The following PTPRT variants were observed in gnomAD, a reference collection of about 807,000 sequenced individuals.
PTPRT encodes the protein protein tyrosine phosphatase receptor type T.
A neutral mutation model predicts 176.8 loss-of-function variants in PTPRT; 56 were observed. The ratio of observed to expected loss-of-function variants is 0.32; its 90% CI spans 0.26 to 0.40. PTPRT has a LOEUF of 0.40. PTPRT is among the 10% of genes least tolerant of loss of function. The pLI is 1.00. For missense variants in PTPRT, 1,540 were observed against 1,908.2 expected (o/e 0.81, Z 3.60); for synonymous variants, 783 against 739.0 (o/e 1.06, Z -0.96).
intron 27 of PTPRT, among the ~76,000 whole-genome samples, chr20:42,089,499 C>T (rs973866287): frequency 6.6e-6 from 1 of 152,120 alleles, no homozygotes; most frequent in Non-Finnish European, 1.5e-5. Flanking sequence ...AATAAGATTT[C>T]CAGACCAATT....
At position 42,941,060 on chromosome 20, in the gene PTPRT, C is replaced by T. The variant is rs144193649; in HGVS notation, c.89-55128G>A. On this transcript the variant is annotated intron_variant, in intron 1 of 30. Transcript: ENST00000373187. Reference sequence around the variant, plus strand: ...TCATGCCACTGCACTCCAGCCTGGGCGACAGAGCAAGACTCCATCTCAAAA... The same window carrying T: ...TCATGCCACTGCACTCCAGCCTGGGTGACAGAGCAAGACTCCATCTCAAAA... Among the ~76,000 whole-genome samples the T allele has an allele frequency of 2.4e-3, 358 of 150,952 alleles. 3 individuals are homozygous for T. The East Asian group carries it at 0.03, about 13-fold the overall frequency.
intron 2 of PTPRT, among the ~76,000 whole-genome samples, chr20:42,855,438 T>TC (rs1177664849): frequency 7.3e-6 from 1 of 137,768 alleles, no homozygotes; most frequent in African/African-American, 3.0e-5. Context: ...GCTTTTTTTT[T>TC]TTTTTTTTTT....
intron 16 of PTPRT, among the ~76,000 whole-genome samples, chr20:42,184,385 T>C (rs1990640875): frequency 6.6e-6 from 1 of 152,090 alleles, no homozygotes; most frequent in Non-Finnish European, 1.5e-5. Flanking sequence ...TGAAGTACCT[T>C]AAGGATTCTA....
rs56310086 is a variant in PTPRT, at chr20:42,345,582, A to ATGTGTGTGTG, written c.1865+5036_1865+5045dup. Among the ~76,000 whole-genome samples, 72 of 94,652 alleles carry ATGTGTGTGTG rather than the reference A, an allele frequency of 7.6e-4. 1 individual carries two copies. Among genetic ancestry groups the ATGTGTGTGTG allele is most frequent in the African/African-American group, 1.9e-3 (63 of 32,418 alleles). 62.1% of individuals were successfully genotyped at this position (94,652 alleles called of 152,430 possible). A position where few individuals can be genotyped will look rare whatever the true frequency, so the allele number is the denominator to read the frequency against. On this transcript the variant is annotated intron_variant, in intron 11 of 30. Transcript: ENST00000373187. Reference sequence around the variant, plus strand: ...CACACATATATATACATACATATATATGTGTGTGTGTGTGTGTGTGTGTGT... The same window carrying ATGTGTGTGTG: ...CACACATATATATACATACATATATATGTGTGTGTGTGTGTGTGTGTGTGTGTGTGTGTGT...
chr20:42,070,383 C>A (rs1473077919), downstream of PTPRT, among the ~76,000 whole-genome samples: 1 of 151,722 alleles, frequency 6.6e-6, no homozygotes, highest in African/African-American at 2.4e-5. Flanking sequence ...AGGCTAGGAT[C>A]CACCTGGACA....
rs59454108 is a variant in PTPRT at position 42,645,764 on chromosome 20, A to ATGTGTGTG, written c.1153+32094_1153+32101dup. Among the ~76,000 whole-genome samples, 903 of 139,564 alleles carry ATGTGTGTG rather than the reference A, an allele frequency of 6.5e-3. 15 individuals are homozygous for ATGTGTGTG. Among genetic ancestry groups the ATGTGTGTG allele is most frequent in the East Asian group, 0.025 (110 of 4,480 alleles). The allele number at this position is 139,564 out of a possible 152,430, so 91.6% of individuals were successfully genotyped here. A position where few individuals can be genotyped will look rare whatever the true frequency, so the allele number is the denominator to read the frequency against. ...TATGTTTCAGATGGGATGTGTATTT[A>ATGTGTGTG]TGTGTGTGTGTGTGTGTGTGTGTGT... On this transcript the variant is annotated intron_variant, in intron 7 of 30. Coordinates refer to ENST00000373187, the MANE Select transcript of PTPRT (RefSeq NM_007050.6).
Position 42,639,065 on chromosome 20 carries a change from A to T in PTPRT, c.1153+38801T>A, listed in dbSNP as rs557719242. Among the ~76,000 whole-genome samples, 3 of 152,092 alleles carry T rather than the reference A, an allele frequency of 2.0e-5. No homozygotes were observed. The East Asian group carries it at 5.8e-4, about 30-fold the overall frequency. On this transcript the variant is annotated intron_variant, in intron 7 of 30. Coordinates refer to ENST00000373187, the MANE Select transcript of PTPRT (RefSeq NM_007050.6). ...TTCCCATTTGTTTCTTTAAGTTATT[A>T]ATGTCTCCAATAGAAGGACAAGTTG...
intron 13 of PTPRT, among the ~76,000 whole-genome samples, chr20:42,267,542 G>A (rs765874348): frequency 7.9e-5 from 12 of 152,130 alleles, no homozygotes; most frequent in East Asian, 3.8e-4. Context: ...GTATGGCTCT[G>A]GAGGTTTATA....
At chr20:42,070,817 C>T (rs957552747), downstream of PTPRT, among the ~76,000 whole-genome samples, 9 of 152,144 alleles carry the variant, frequency 5.9e-5, no homozygotes, top group African/African-American at 2.2e-4. Flanking sequence ...CTACTTTTAT[C>T]ATAACACTTT....
chr20:43,178,866 T>C (rs1014463362), intron 1 of PTPRT, among the ~76,000 whole-genome samples: 6 of 152,194 alleles, frequency 3.9e-5, no homozygotes, highest in Non-Finnish European at 8.8e-5. Flanking sequence ...CCAAGGCAGA[T>C]GAAGGGTGAA....
chr20:42,863,772 G>C (rs1469591445), intron 2 of PTPRT, among the ~76,000 whole-genome samples: 2 of 152,210 alleles, frequency 1.3e-5, no homozygotes, highest in Admixed American at 6.5e-5. Flanking sequence ...TGGTCTTGCT[G>C]TAAAGGATCT....
At chr20:42,619,565 C>A in intron 7 of PTPRT, among the ~76,000 whole-genome samples, 2 of 134,104 alleles carry the variant, frequency 1.5e-5, no homozygotes, top group African/African-American at 6.7e-5. Context: ...CTCCCTGTCA[C>A]TTTCAGGTAC....
chr20:42,560,242 C>T (rs1387572511), intron 7 of PTPRT, among the ~76,000 whole-genome samples: 2 of 152,190 alleles, frequency 1.3e-5, no homozygotes, highest in African/African-American at 2.4e-5. Context: ...TGGTTATATT[C>T]AGCCAATAGG....
chr20:42,556,438 T>G (rs2072862179), intron 7 of PTPRT, among the ~76,000 whole-genome samples: 1 of 152,188 alleles, frequency 6.6e-6, no homozygotes, highest in Non-Finnish European at 1.5e-5. Context: ...CTTAAAATCA[T>G]GAAGTAAGTG....
chr20:42,830,595 A>G (rs1445347671), intron 2 of PTPRT, among the ~76,000 whole-genome samples: 2 of 152,228 alleles, frequency 1.3e-5, no homozygotes, highest in Non-Finnish European at 2.9e-5. Context: ...AGCCCTGGCC[A>G]AAGCAATAAG....
intron 1 of PTPRT, among the ~76,000 whole-genome samples, chr20:43,030,356 G>A (rs530882132): frequency 6.4e-4 from 98 of 152,214 alleles, no homozygotes; most frequent in African/African-American, 2.2e-3. Context: ...AGAAATACCC[G>A]TCATATATGA....
chr20:42,980,048 C>T (rs1160525050), intron 1 of PTPRT, among the ~76,000 whole-genome samples: 14 of 151,796 alleles, frequency 9.2e-5, no homozygotes, highest in Non-Finnish European at 1.3e-4. Context: ...AGGAATGAGG[C>T]TTTTTTTATT....
At chr20:42,163,729 A>C (rs1478396249) in intron 16 of PTPRT, among the ~76,000 whole-genome samples, 3 of 152,278 alleles carry the variant, frequency 2.0e-5, no homozygotes, top group Non-Finnish European at 4.4e-5. Flanking sequence ...GATAAGGAGT[A>C]AAAGCTGTGG....
In PTPRT at chr20:42,956,028, C is replaced by A. The variant is rs148383329; in HGVS notation, c.89-70096G>T. ...GGAAGGGAGAGGATTTATCTGCTGCCTTGGTTCCTGGCCCTCTGGTTAAAG... is the reference window on the plus strand; with the variant it reads ...GGAAGGGAGAGGATTTATCTGCTGCATTGGTTCCTGGCCCTCTGGTTAAAG... On this transcript the variant is annotated intron_variant, in intron 1 of 30. Coordinates refer to ENST00000373187, the MANE Select transcript of PTPRT (RefSeq NM_007050.6). Among the ~76,000 whole-genome samples, 854 of 152,262 alleles carry A rather than the reference C, an allele frequency of 5.6e-3. 7 individuals are homozygous for A. Among genetic ancestry groups the A allele is most frequent in the African/African-American group, 0.02 (823 of 41,542 alleles).
Sources: gnomAD v4.1 joint callset for allele counts (sites outside exome capture counted in the v4.1 genomes callset) on GRCh38, gnomAD v4.1.1 for gene constraint, MANE v1.5 for transcripts, NCBI Gene and HGNC (gene_info 2026-07-23, HGNC 2026-07-21) for gene names.